Variants in SLC24A3 observed in about 807,000 individuals in gnomAD.
The protein encoded by SLC24A3 is sodium/potassium/calcium exchanger 3.
A neutral mutation model predicts 75.8 loss-of-function variants in SLC24A3; 28 were observed. That is an observed-to-expected ratio of 0.37 (90% CI 0.27 to 0.51). SLC24A3 has a LOEUF of 0.51. Ranked by LOEUF, SLC24A3 falls within the 20% of genes least tolerant of loss-of-function variation. SLC24A3 has a pLI of 0.94. For missense variants in SLC24A3, 663 were observed against 847.8 expected (o/e 0.78, Z 2.71); for synonymous variants, 372 against 334.1 (o/e 1.11, Z -1.24).
At chr20:19,697,871 C>T (rs1197736165) in intron 14 of SLC24A3, among the ~76,000 whole-genome samples, 1 of 152,164 alleles carries the variant, frequency 6.6e-6, no homozygotes, top group African/African-American at 2.4e-5. Context: ...AAGGGTGTCT[C>T]AGAATCTCCA....
rs138647231 is a variant in SLC24A3 at position 19,219,103 on chromosome 20, T to G, written c.142+6119T>G. Among the ~76,000 whole-genome samples the G allele has an allele frequency of 2.9e-3, 440 of 152,292 alleles. 2 individuals are homozygous for G. Among genetic ancestry groups the G allele is most frequent in the Middle Eastern group, 0.014 (4 of 294 alleles). On this transcript the variant is annotated intron_variant, in intron 1 of 16. Transcript: ENST00000328041. ...TGTAGCATTTGAGAATGTGAAGTAT[T>G]AAGGACCCAAATGGAAGAAGGTTTT...
chr20:19,367,446 C>A (rs1985912085), intron 2 of SLC24A3, among the ~76,000 whole-genome samples: 1 of 150,568 alleles, frequency 6.6e-6, no homozygotes, highest in Non-Finnish European at 1.5e-5. Context: ...TGGGAAAAAA[C>A]AAAGCAGAGA....
chr20:19,466,645 A>G (rs1987770495), intron 2 of SLC24A3, among the ~76,000 whole-genome samples: 1 of 151,660 alleles, frequency 6.6e-6, no homozygotes, highest in South Asian at 2.1e-4. Context: ...ACAGGATCTC[A>G]TGAATCTTTA....
intron 3 of SLC24A3, among the ~76,000 whole-genome samples, chr20:19,557,142 G>A (rs1020344216): frequency 6.6e-6 from 1 of 152,102 alleles, no homozygotes; most frequent in Non-Finnish European, 1.5e-5. Flanking sequence ...CTGTCATCTT[G>A]GTTCTTTTGT....
chr20:19,703,736 T>C (rs754425332), intron 15 of SLC24A3, among the ~76,000 whole-genome samples: 3 of 152,248 alleles, frequency 2.0e-5, no homozygotes, highest in Non-Finnish European at 2.9e-5. Flanking sequence ...GTACAGACTA[T>C]GCTTCTTTGA....
chr20:19,506,031 C>A (rs998965994), intron 2 of SLC24A3, among the ~76,000 whole-genome samples: 2 of 152,286 alleles, frequency 1.3e-5, no homozygotes, highest in Non-Finnish European at 2.9e-5. Context: ...ATCATCAATC[C>A]TCATAATAAC....
intron 6 of SLC24A3, among the ~76,000 whole-genome samples, chr20:19,639,828 G>C (rs1412358424): frequency 6.6e-6 from 1 of 152,258 alleles, no homozygotes; most frequent in Non-Finnish European, 1.5e-5. Flanking sequence ...CCGGTGGGCT[G>C]GCACTGCTGG....
Position 19,693,358 on chromosome 20 carries a change from G to T in SLC24A3, c.1424G>T (p.Trp475Leu). Residue 475 changes from tryptophan (W) to leucine (L), a missense_variant, in exon 13 of 17, where the codon TGG (tryptophan) becomes TTG (leucine). This residue lies in a region of SLC24A3 where 510 missense variants were observed against 703.6 expected (regional missense o/e 0.72). Coordinates refer to ENST00000328041, the MANE Select transcript of SLC24A3 (RefSeq NM_020689.4). Reference sequence around the variant, plus strand: ...TGCAACAAGCCGCGCTGGGAGAAATGGTTCATGGTGACGTTTGCTTCCTCC... The same window carrying T: ...TGCAACAAGCCGCGCTGGGAGAAATTGTTCATGGTGACGTTTGCTTCCTCC... ...PNCNKPRWEK[W>L]FMVTFASSTL... The T allele has an allele frequency of 6.2e-7, 1 of 1,614,168 alleles. No homozygotes were observed. Among genetic ancestry groups the T allele is most frequent in the South Asian group, 1.1e-5 (1 of 91,078 alleles).
chr20:19,373,745 G>C (rs1393021592), intron 2 of SLC24A3, among the ~76,000 whole-genome samples: 3 of 152,172 alleles, frequency 2.0e-5, no homozygotes, highest in Non-Finnish European at 4.4e-5. Flanking sequence ...TGGAGGAGGA[G>C]CTTCAGCTGC....
At chr20:19,675,785 C>T (rs915788425) in intron 9 of SLC24A3, among the ~76,000 whole-genome samples, 2 of 152,194 alleles carry the variant, frequency 1.3e-5, no homozygotes, top group African/African-American at 4.8e-5. Context: ...TTTCCAGCCC[C>T]CAAAGGAAAA....
chr20:19,636,801 T>C (rs994346264), intron 6 of SLC24A3, among the ~76,000 whole-genome samples: 1 of 152,120 alleles, frequency 6.6e-6, no homozygotes, highest in Non-Finnish European at 1.5e-5. Context: ...TAAGGATCCT[T>C]CCCAAAGGAA....
At chr20:19,439,331 G>A (rs537447395) in intron 2 of SLC24A3, among the ~76,000 whole-genome samples, 12 of 152,212 alleles carry the variant, frequency 7.9e-5, no homozygotes, top group African/African-American at 2.2e-4. Flanking sequence ...CCAAATTTTC[G>A]TCTTTGTATT....
At chr20:19,415,912 T>C (rs1986821069) in intron 2 of SLC24A3, among the ~76,000 whole-genome samples, 1 of 152,172 alleles carries the variant, frequency 6.6e-6, no homozygotes, top group South Asian at 2.1e-4. Context: ...AAGACCTTTT[T>C]CTCTAGATTG....
At chr20:19,376,567 C>T (rs1986086826) in intron 2 of SLC24A3, among the ~76,000 whole-genome samples, 1 of 152,062 alleles carries the variant, frequency 6.6e-6, no homozygotes, top group South Asian at 2.1e-4. Context: ...CATGAGCCAG[C>T]CAAGGGAAAA....
intron 1 of SLC24A3, among the ~76,000 whole-genome samples, chr20:19,244,882 G>A (rs1041125595): frequency 6.6e-6 from 1 of 152,212 alleles, no homozygotes; most frequent in Non-Finnish European, 1.5e-5. Flanking sequence ...TACCCAAGGA[G>A]CATGTTGTCA....
chr20:19,390,596 G>A (rs377219178), intron 2 of SLC24A3, among the ~76,000 whole-genome samples: 2 of 152,262 alleles, frequency 1.3e-5, no homozygotes, highest in African/African-American at 4.8e-5. Flanking sequence ...CTACAGGGCA[G>A]AATTAAATGC....
At chr20:19,371,329 C>T (rs1985989470) in intron 2 of SLC24A3, among the ~76,000 whole-genome samples, 1 of 151,464 alleles carries the variant, frequency 6.6e-6, no homozygotes, top group Non-Finnish European at 1.5e-5. Context: ...AGAGGGCAGG[C>T]CCTGGGAGGG....
intron 3 of SLC24A3, among the ~76,000 whole-genome samples, chr20:19,529,467 A>G (rs2030255949): frequency 6.6e-6 from 1 of 152,074 alleles, no homozygotes; most frequent in Admixed American, 6.5e-5. Flanking sequence ...GCCACTTTCA[A>G]CCTGGGTCTC....
intron 1 of SLC24A3, 130 bp downstream of exon 1, chr20:19,213,114 G>A: frequency 9.6e-7 from 1 of 1,042,486 alleles, no homozygotes; most frequent in South Asian, 4.8e-5. Flanking sequence ...TTGGCGGGGG[G>A]AGTGGGATGC....
Sources: allele counts gnomAD v4.1 joint callset (sites outside exome capture counted in the v4.1 genomes callset), GRCh38; gene constraint gnomAD v4.1.1; regional missense constraint gnomAD v4.1.1; transcripts MANE v1.5; gene names NCBI Gene and HGNC (gene_info 2026-07-23, HGNC 2026-07-21).